INSR: variants seen among roughly 807,000 people sequenced by gnomAD.
INSR encodes the protein insulin receptor.
A neutral mutation model predicts 142.6 loss-of-function variants in INSR; 67 were observed. The ratio of observed to expected loss-of-function variants is 0.47; its 90% CI spans 0.39 to 0.58. INSR has a LOEUF of 0.58. Among genes scored for constraint, INSR ranks in the 20% least tolerant of loss-of-function variants. The probability of loss-of-function intolerance (pLI) is 0.00; values close to 1 mark genes in which losing one functional copy is unlikely to be tolerated. For synonymous variants in INSR, 756 were observed against 743.1 expected (o/e 1.02, Z -0.28); for missense variants, 1,248 against 1,833.2 (o/e 0.68, Z 5.83).
chr19:7,120,046 A>C (rs948912899), intron 20 of INSR, among the ~76,000 whole-genome samples: 10 of 152,244 alleles, frequency 6.6e-5, no homozygotes, highest in African/African-American at 2.4e-4. Flanking sequence ...GAAAAAGTCC[A>C]GCTAGGAACT....
At chr19:7,128,012 G>C (rs1303296872) in intron 15 of INSR, among the ~76,000 whole-genome samples, 1 of 151,712 alleles carries the variant, frequency 6.6e-6, no homozygotes, top group Non-Finnish European at 1.5e-5. Flanking sequence ...AAAGTGTTGG[G>C]ATTACAGGTG....
In INSR at chr19:7,116,140, A is replaced by G. The variant is rs1298024577; in HGVS notation, c.*916T>C. Reference sequence around the variant, plus strand: ...CTTTCTTTTTCTTTTTTTTTTTTTAATGTCCTAGCTTGGTTTGGTCTTGAA... The same window carrying G: ...CTTTCTTTTTCTTTTTTTTTTTTTAGTGTCCTAGCTTGGTTTGGTCTTGAA... On this transcript the variant is annotated 3_prime_UTR_variant, in exon 22 of 22. Transcript: ENST00000302850. 1 of 84,704 alleles carries G rather than the reference A, an allele frequency of 1.2e-5. No individual in the cohort carries two copies. Among genetic ancestry groups the G allele is most frequent in the Non-Finnish European group, 2.5e-5 (1 of 40,376 alleles). The allele number at this position is 84,704 out of a possible 1,614,324, so 5.2% of individuals were successfully genotyped here. A position where few individuals can be genotyped will look rare whatever the true frequency, so the allele number is the denominator to read the frequency against.
intron 1 of INSR, among the ~76,000 whole-genome samples, chr19:7,276,792 G>A (rs906363957): frequency 1.1e-4 from 16 of 152,174 alleles, no homozygotes; most frequent in Non-Finnish European, 2.2e-4. Flanking sequence ...GTGCAGTAGC[G>A]TGATCTCGAA....
chr19:7,288,658 G>GAAA (rs57281993), intron 1 of INSR, among the ~76,000 whole-genome samples: 1 of 97,120 alleles, frequency 1.0e-5, no homozygotes, highest in Non-Finnish European at 2.1e-5. Flanking sequence ...ATAAAAATTG[G>GAAA]AAAAAAAAAA....
intron 2 of INSR, among the ~76,000 whole-genome samples, chr19:7,250,443 AAG>A (rs145469804): frequency 0.22 from 20,611 of 94,302 alleles, 1,729 homozygotes; most frequent in African/African-American, 0.27. Flanking sequence ...GAAGAAAAGA[AAG>A]AAGAAAGAAA....
intron 2 of INSR, among the ~76,000 whole-genome samples, chr19:7,246,693 A>C (rs984530614): frequency 8.5e-5 from 13 of 152,228 alleles, no homozygotes; most frequent in Admixed American, 1.3e-4. Context: ...TCCCAGTTTT[A>C]TGTTTCAGGG....
In INSR at chr19:7,184,338, C is replaced by T. The variant is rs770929673; in HGVS notation, c.952G>A (p.Gly318Arg). ...CACTTGCTGGAATTCATCGTGTACC[C>T]GGAGGGACACTCAGGGATGCACTTG... is the stretch of plus-strand genomic sequence containing the variant. Reference protein sequence around the residue: ...NNKCIPECPSGYTMNSSNLLC... With the variant: ...NNKCIPECPSRYTMNSSNLLC... The change falls in exon 3 of 22, where the codon GGG becomes AGG. Residue 318 changes from glycine to arginine, a missense_variant. Coordinates refer to ENST00000302850, the MANE Select transcript of INSR (RefSeq NM_000208.4). 8.1e-6 allele frequency: 13 copies of T among 1,613,918 alleles called. No individual in the cohort carries two copies. The Admixed American group carries it at 8.3e-5, about 10-fold the overall frequency.
chr19:7,208,038 C>T (rs1975163963), intron 2 of INSR, among the ~76,000 whole-genome samples: 1 of 152,054 alleles, frequency 6.6e-6, no homozygotes, highest in South Asian at 2.1e-4. Context: ...TAAGAGCTGG[C>T]CCCTCTTCCA....
At chr19:7,284,905 A>G (rs1245611659) in intron 1 of INSR, among the ~76,000 whole-genome samples, 1 of 152,176 alleles carries the variant, frequency 6.6e-6, no homozygotes, top group Admixed American at 6.6e-5. Context: ...ATGCCCTCTT[A>G]CTTGACCTCA....
chr19:7,291,773 G>C (rs906903152), intron 1 of INSR, among the ~76,000 whole-genome samples: 1 of 152,080 alleles, frequency 6.6e-6, no homozygotes, highest in Non-Finnish European at 1.5e-5. Context: ...ATCTGGCATA[G>C]TTCGAAACCA....
In INSR at chr19:7,143,563, T is replaced by G. The variant is rs188798377; in HGVS notation, c.2268-473A>C. ...AAAAAATACATCTTTTCCTTCTTAT[T>G]GCTGCTTAGGGCACCTGTATAATTT... On this transcript the variant is annotated intron_variant, in intron 11 of 21. Coordinates refer to ENST00000302850, the MANE Select transcript of INSR (RefSeq NM_000208.4). 6.5e-3 allele frequency among the ~76,000 whole-genome samples: 987 copies of G among 152,356 alleles called. 7 individuals carry two copies. Among genetic ancestry groups the G allele is most frequent in the East Asian group, 0.041 (215 of 5,190 alleles).
intron 2 of INSR, among the ~76,000 whole-genome samples, chr19:7,208,432 A>T (rs1568487372): frequency 2.0e-5 from 3 of 152,336 alleles, no homozygotes; most frequent in African/African-American, 7.2e-5. Flanking sequence ...CGGAAAAAAA[A>T]AATCCCTGAA....
intron 2 of INSR, among the ~76,000 whole-genome samples, chr19:7,251,382 G>A (rs1022557382): frequency 7.3e-5 from 11 of 151,422 alleles, no homozygotes; most frequent in African/African-American, 2.4e-4. Flanking sequence ...TCAGCCTCCC[G>A]AGTAGCTGGG....
In INSR at chr19:7,120,631, A is replaced by C. The variant is rs1467685851; in HGVS notation, c.3648T>G (p.Ser1216=). The C allele has an allele frequency of 1.4e-5, 22 of 1,614,156 alleles. No individual in the cohort carries two copies. The highest frequency in any genetic ancestry group is 1.5e-5 in the Non-Finnish European group (18 of 1,180,006). The change falls in exon 20 of 22, where the codon TCT becomes TCG. Residue 1216 remains serine (S), a synonymous_variant. Transcript: ENST00000302850. ...ESLKDGVFTT[S]SDMWSFGVVL... ...CACACACAACTCACCACATGTCAGA[A>C]GAAGTGGTGAAGACCCCATCCTTCA...
At chr19:7,170,493 A>G in intron 6 of INSR, 44 bp downstream of exon 6, 1 of 1,464,544 alleles carries the variant, frequency 6.8e-7, no homozygotes, top group Non-Finnish European at 9.6e-7. Context: ...ATCTTCCACT[A>G]CACCGGTCCC....
intron 2 of INSR, among the ~76,000 whole-genome samples, chr19:7,200,991 A>G (rs1300662702): frequency 1.3e-5 from 2 of 151,770 alleles, no homozygotes; most frequent in East Asian, 3.9e-4. Flanking sequence ...AGGTGCAAAA[A>G]CCCCTGTTTG....
At chr19:7,134,051 T>C (rs1192467665) in intron 13 of INSR, among the ~76,000 whole-genome samples, 1 of 151,810 alleles carries the variant, frequency 6.6e-6, no homozygotes, top group Non-Finnish European at 1.5e-5. Flanking sequence ...AACTCAGAAC[T>C]GTCTGGCTCT....
At chr19:7,177,702 A>ATTTTTTT (rs71177166) in intron 3 of INSR, among the ~76,000 whole-genome samples, 25 of 90,622 alleles carry the variant, frequency 2.8e-4, no homozygotes, top group African/African-American at 5.0e-4. Context: ...CTAATTTTGT[A>ATTTTTTT]TTTTTTTTTT....
Position 7,174,626 on chromosome 19 carries a change from G to A in INSR, c.1080C>T (p.Cys360=), listed in dbSNP as rs56066516. Residue 360 remains cysteine (C), a synonymous_variant, in exon 4 of 22, where the codon TGC becomes TGT. Coordinates refer to ENST00000302850, the MANE Select transcript of INSR (RefSeq NM_000208.4). ...TGATCAGACTCCCGTTGATGACGGT[G>A]CATCCTCGGAGCTCCTGGGCAGACG... ...SVTSAQELRG[C]TVINGSLIIN... 2,942 of 1,614,044 alleles carry A rather than the reference G, an allele frequency of 1.8e-3. 5 individuals carry two copies. The highest frequency in any genetic ancestry group is 1.8e-3 in the Non-Finnish European group (2,155 of 1,179,970).
Sources: allele counts gnomAD v4.1 joint callset (sites outside exome capture counted in the v4.1 genomes callset), GRCh38; gene constraint gnomAD v4.1.1; transcripts MANE v1.5; gene names NCBI Gene and HGNC (gene_info 2026-07-23, HGNC 2026-07-21).